Variants in STK32B observed in about 807,000 individuals in gnomAD.
The protein encoded by STK32B is serine/threonine kinase 32B.
STK32B carries 43 observed loss-of-function variants against 52.6 expected under a neutral mutation model. That is an observed-to-expected ratio of 0.82 (90% CI 0.64 to 1.05). STK32B has a LOEUF of 1.05. STK32B is among the 50% of genes least tolerant of loss of function. The pLI, the probability that STK32B is intolerant of heterozygous loss-of-function variation, is 0.00. For synonymous variants in STK32B, 238 were observed against 204.3 expected (o/e 1.17, Z -1.41); for missense variants, 621 against 534.6 (o/e 1.16, Z -1.59).
At chr4:5,022,021 G>A in the STK32B span, among the ~76,000 whole-genome samples, 1 of 152,144 alleles carries the variant, frequency 6.6e-6, no homozygotes, top group Non-Finnish European at 1.5e-5. Flanking sequence ...TCCCAGGGCA[G>A]GTGGAGACAA....
At chr4:5,329,708 C>G (rs1056500022) in intron 3 of STK32B, among the ~76,000 whole-genome samples, 1 of 152,192 alleles carries the variant, frequency 6.6e-6, no homozygotes, top group East Asian at 1.9e-4. Context: ...AGTAGGTGTT[C>G]CATAAGCCTC....
At chr4:5,260,646 G>A (rs922226632) in intron 3 of STK32B, among the ~76,000 whole-genome samples, 1 of 152,192 alleles carries the variant, frequency 6.6e-6, no homozygotes, top group Non-Finnish European at 1.5e-5. Flanking sequence ...GAAGTGAATG[G>A]CCTATTAGGG....
intron 4 of STK32B, among the ~76,000 whole-genome samples, chr4:5,370,986 G>A (rs544338142): frequency 2.0e-4 from 27 of 137,352 alleles, no homozygotes; most frequent in Admixed American, 3.0e-4. Context: ...ATATATATAT[G>A]TGTGTGTGTG....
intron 4 of STK32B, among the ~76,000 whole-genome samples, chr4:5,348,866 A>G (rs1221179702): frequency 6.6e-6 from 1 of 152,102 alleles, no homozygotes; most frequent in Non-Finnish European, 1.5e-5. Flanking sequence ...CATCCAACCC[A>G]GTCCACCACT....
intron 11 of STK32B, among the ~76,000 whole-genome samples, chr4:5,476,261 T>C (rs1718232106): frequency 6.6e-6 from 1 of 152,226 alleles, no homozygotes; most frequent in South Asian, 2.1e-4. Flanking sequence ...CTGAGGTCAC[T>C]GGTAAAGTGT....
chr4:5,051,997 C>T, intron 1 of STK32B, 82 bp downstream of exon 1: 3 of 1,539,518 alleles, frequency 1.9e-6, no homozygotes, highest in South Asian at 1.2e-5. Flanking sequence ...TGCGGGGCAC[C>T]GCATGCTGCC....
intron 6 of STK32B, among the ~76,000 whole-genome samples, chr4:5,430,453 C>T (rs778101559): frequency 1.7e-4 from 26 of 152,134 alleles, no homozygotes; most frequent in African/African-American, 2.9e-4. Context: ...TTGAAATCCC[C>T]GTCTGTTAAC....
chr4:5,022,792 G>T, the STK32B span, among the ~76,000 whole-genome samples: 1 of 152,092 alleles, frequency 6.6e-6, no homozygotes, highest in Non-Finnish European at 1.5e-5. Context: ...TGTGTGCCAG[G>T]CACTGAGATG....
intron 4 of STK32B, among the ~76,000 whole-genome samples, chr4:5,389,120 A>G (rs1412936279): frequency 6.6e-6 from 1 of 152,240 alleles, no homozygotes; most frequent in Non-Finnish European, 1.5e-5. Context: ...ATAAGACAGA[A>G]CTACATTATT....
intron 3 of STK32B, among the ~76,000 whole-genome samples, chr4:5,251,992 A>G (rs1261091865): frequency 3.9e-5 from 6 of 152,194 alleles, no homozygotes; most frequent in African/African-American, 1.2e-4. Context: ...GTAAATGGAT[A>G]TGTTTAAGGA....
At chr4:5,090,370 CTTTT>C (rs754643704) in intron 1 of STK32B, among the ~76,000 whole-genome samples, 2 of 56,536 alleles carry the variant, frequency 3.5e-5, no homozygotes, top group African/African-American at 1.1e-4. Context: ...TTTAATCCAT[CTTTT>C]TTTTTTTTTT....
chr4:5,196,363 G>C (rs1469322948), intron 3 of STK32B, among the ~76,000 whole-genome samples: 4 of 85,238 alleles, frequency 4.7e-5, no homozygotes, highest in Non-Finnish European at 4.3e-5. Flanking sequence ...TTTTTTTGGT[G>C]GTGGGGGGCC....
At chr4:5,362,161 C>G (rs909453758) in intron 4 of STK32B, among the ~76,000 whole-genome samples, 1 of 152,156 alleles carries the variant, frequency 6.6e-6, no homozygotes, top group African/African-American at 2.4e-5. Flanking sequence ...GAGCGAGGAA[C>G]TCTCCGTGGT....
chr4:5,108,595 G>A (rs1347225526), intron 1 of STK32B, among the ~76,000 whole-genome samples: 1 of 152,176 alleles, frequency 6.6e-6, no homozygotes, highest in Non-Finnish European at 1.5e-5. Context: ...AGAACTTAAA[G>A]ATTTATTTGT....
chr4:5,497,783 C>T (rs1720413652), intron 11 of STK32B, among the ~76,000 whole-genome samples: 1 of 152,142 alleles, frequency 6.6e-6, no homozygotes, highest in African/African-American at 2.4e-5. Context: ...CTTAGGATAA[C>T]CCTCAGGACC....
chr4:5,231,686 A>G (rs1252403363), intron 3 of STK32B, among the ~76,000 whole-genome samples: 1 of 152,118 alleles, frequency 6.6e-6, no homozygotes, highest in Non-Finnish European at 1.5e-5. Context: ...AATGGGATAG[A>G]TGGAATGGTT....
intron 1 of STK32B, among the ~76,000 whole-genome samples, chr4:5,130,606 T>C (rs766165059): frequency 3.3e-5 from 5 of 152,120 alleles, no homozygotes; most frequent in Non-Finnish European, 5.9e-5. Flanking sequence ...TTGTCCAAAA[T>C]AACCCCTTTC....
chr4:5,136,998 C>T (rs1716117159), intron 1 of STK32B, among the ~76,000 whole-genome samples: 2 of 152,188 alleles, frequency 1.3e-5, no homozygotes, highest in Non-Finnish European at 2.9e-5. Flanking sequence ...ATATGGATGA[C>T]ATGGGTGAGT....
At chr4:5,170,659 A>G (rs916459825) in intron 3 of STK32B, among the ~76,000 whole-genome samples, 3 of 152,182 alleles carry the variant, frequency 2.0e-5, no homozygotes, top group Non-Finnish European at 2.9e-5. Context: ...TAATGGCTGC[A>G]TAGTATTCCA....
Sources: gnomAD v4.1 joint callset for allele counts (sites outside exome capture counted in the v4.1 genomes callset) on GRCh38, gnomAD v4.1.1 for gene constraint, MANE v1.5 for transcripts, NCBI Gene and HGNC (gene_info 2026-07-23, HGNC 2026-07-21) for gene names.